The following SLC38A9 variants were observed in gnomAD, a reference collection of about 807,000 sequenced individuals.
SLC38A9 encodes neutral amino acid transporter 9.
A neutral mutation model predicts 62.3 loss-of-function variants in SLC38A9; 48 were observed. The ratio of observed to expected loss-of-function variants is 0.77; its 90% confidence interval spans 0.61 to 0.98. The LOEUF is 0.98. SLC38A9 is among the 50% of genes least tolerant of loss of function. SLC38A9 has a pLI of 0.00. For synonymous variants in SLC38A9, 204 were observed against 227.7 expected (o/e 0.90, Z 0.94); for missense variants, 541 against 679.8 (o/e 0.80, Z 2.27).
chr5:55,677,320 T>A (rs937227344), intron 3 of SLC38A9, among the ~76,000 whole-genome samples: 1 of 152,204 alleles, frequency 6.6e-6, no homozygotes, highest in African/African-American at 2.4e-5. Flanking sequence ...TAAACAGTTA[T>A]GATTCTAACG....
At chr5:55,668,621 A>T (rs914038815) in intron 7 of SLC38A9, among the ~76,000 whole-genome samples, 1 of 152,202 alleles carries the variant, frequency 6.6e-6, no homozygotes, top group Non-Finnish European at 1.5e-5. Context: ...GGCACAGAAA[A>T]AAACTGGAGG....
intron 9 of SLC38A9, among the ~76,000 whole-genome samples, chr5:55,656,128 A>C (rs1271489501): frequency 6.6e-6 from 1 of 151,710 alleles, no homozygotes; most frequent in Admixed American, 6.6e-5. Flanking sequence ...GCAAATATGG[A>C]TACTGTAGAT....
At chr5:55,649,874 C>A (rs150873346) in intron 10 of SLC38A9, among the ~76,000 whole-genome samples, 45 of 151,912 alleles carry the variant, frequency 3.0e-4, no homozygotes, top group African/African-American at 9.7e-4. Context: ...GTAGCTCATA[C>A]AATGCTGAAT....
intron 3 of SLC38A9, among the ~76,000 whole-genome samples, chr5:55,681,617 A>T (rs1753017043): frequency 1.3e-5 from 2 of 152,184 alleles, no homozygotes; most frequent in South Asian, 4.1e-4. Context: ...TGATCAGAAC[A>T]TTTTTTATTA....
At chr5:55,663,499 G>T (rs1749973205) in intron 8 of SLC38A9, among the ~76,000 whole-genome samples, 1 of 152,078 alleles carries the variant, frequency 6.6e-6, no homozygotes, top group South Asian at 2.1e-4. Context: ...ACTTTGGGAG[G>T]CCGAGGTGGG....
intron 8 of SLC38A9, among the ~76,000 whole-genome samples, chr5:55,663,074 T>C (rs1749879109): frequency 6.6e-6 from 1 of 151,922 alleles, no homozygotes. Context: ...TTTGTATTTT[T>C]AGTAGACACA....
At chr5:55,670,259 C>T (rs533020683) in intron 4 of SLC38A9, among the ~76,000 whole-genome samples, 30 of 152,294 alleles carry the variant, frequency 2.0e-4, no homozygotes, top group African/African-American at 5.8e-4. Context: ...TAAGCCACCA[C>T]GCCTGGCCCT....
chr5:55,650,052 G>T (rs559699468), intron 10 of SLC38A9, among the ~76,000 whole-genome samples: 3 of 152,184 alleles, frequency 2.0e-5, no homozygotes, highest in Admixed American at 6.6e-5. Context: ...TTTAATGTGA[G>T]ATGGTAAGAG....
chr5:55,703,146 G>A lies in SLC38A9; in HGVS notation c.-34-5154C>T, dbSNP rs75349614. ...TCAACAAGTCCCTACAATATACTGA[G>A]GTATTGAAAAACATAGAAAAAAAAT... is the stretch of plus-strand genomic sequence containing the variant. On this transcript the variant is annotated intron_variant, in intron 2 of 15. Coordinates refer to ENST00000396865, the MANE Select transcript of SLC38A9 (RefSeq NM_173514.4). 3.0e-3 allele frequency among the ~76,000 whole-genome samples: 453 copies of A among 151,752 alleles called. 1 individual carries two copies. Among genetic ancestry groups the A allele is most frequent in the Middle Eastern group, 6.8e-3 (2 of 292 alleles).
At chr5:55,666,259 G>A (rs1172197633) in intron 7 of SLC38A9, among the ~76,000 whole-genome samples, 2 of 152,064 alleles carry the variant, frequency 1.3e-5, no homozygotes, top group African/African-American at 4.8e-5. Flanking sequence ...AAAACCATTT[G>A]CTTTTCCATG....
intron 2 of SLC38A9, among the ~76,000 whole-genome samples, chr5:55,700,881 C>T (rs1756558819): frequency 6.6e-6 from 1 of 152,196 alleles, no homozygotes; most frequent in Non-Finnish European, 1.5e-5. Flanking sequence ...CCTTCTCTGT[C>T]TCCTTTGCTG....
chr5:55,669,798 A>G lies in SLC38A9; in HGVS notation c.328T>C (p.Tyr110His), dbSNP rs753068432. Residue 110 changes from tyrosine (Y) to histidine (H), a missense_variant, in exon 5 of 16, where the codon TAC becomes CAC. Coordinates refer to ENST00000396865, the MANE Select transcript of SLC38A9 (RefSeq NM_173514.4). Reference sequence around the variant, plus strand: ...GTGTTTTTACCGTATCCTTCAGTGTAACTTTGAAGTTTATAAGCAGAGCCC... The same window carrying G: ...GTGTTTTTACCGTATCCTTCAGTGTGACTTTGAAGTTTATAAGCAGAGCCC... ...PLGSAYKLQS[Y>H]TEGYGKNTSL... The G allele has an allele frequency of 3.7e-6, 6 of 1,613,816 alleles. No homozygotes were observed. Among genetic ancestry groups the G allele is most frequent in the African/African-American group, 2.7e-5 (2 of 74,922 alleles).
chr5:55,654,914 T>C (rs62362003), intron 9 of SLC38A9, among the ~76,000 whole-genome samples: 90,395 of 151,928 alleles, frequency 0.59, 27,565 homozygotes, highest in South Asian at 0.7. Flanking sequence ...TATGGCTCAC[T>C]GTAGCCTCAA....
At chr5:55,653,890 C>T (rs981985729) in intron 9 of SLC38A9, among the ~76,000 whole-genome samples, 2 of 152,128 alleles carry the variant, frequency 1.3e-5, no homozygotes, top group African/African-American at 4.8e-5. Flanking sequence ...AACTCTTGAC[C>T]TCGTGATCTG....
chr5:55,684,279 T>C (rs1370858314), intron 3 of SLC38A9, among the ~76,000 whole-genome samples: 1 of 152,218 alleles, frequency 6.6e-6, no homozygotes, highest in Non-Finnish European at 1.5e-5. Flanking sequence ...CATCTTGTCC[T>C]GGCTTCTCTT....
At chr5:55,699,878 A>T (rs751689729) in intron 2 of SLC38A9, among the ~76,000 whole-genome samples, 2 of 152,216 alleles carry the variant, frequency 1.3e-5, no homozygotes, top group Non-Finnish European at 2.9e-5. Flanking sequence ...GGTGTTTAAG[A>T]AACATGAAGG....
intron 7 of SLC38A9, 154 bp downstream of exon 7, chr5:55,669,074 A>C: frequency 2.1e-6 from 1 of 477,136 alleles, no homozygotes; most frequent in Non-Finnish European, 3.7e-6. Context: ...TTATTAGCAA[A>C]TCAATTTAGC....
In SLC38A9 at chr5:55,633,921, T is replaced by C; in HGVS notation, c.1282-19A>G. On this transcript the variant is annotated intron_variant, in intron 13 of 15. Transcript: ENST00000396865. ...AAAAATTCTAATCCAAGAAAGATAA[T>C]GAGGTCATGTTAAAAATCAAATTCA... 6.4e-7 allele frequency: 1 copy of C among 1,572,472 alleles called. No homozygotes were observed. Among genetic ancestry groups the C allele is most frequent in the Non-Finnish European group, 8.7e-7 (1 of 1,151,920 alleles).
chr5:55,669,875 G>T lies in SLC38A9; in HGVS notation c.251C>A (p.Ala84Asp). The T allele has an allele frequency of 6.3e-7, 1 of 1,585,618 alleles. No individual in the cohort carries two copies. The highest frequency in any genetic ancestry group is 1.2e-5 in the South Asian group (1 of 86,104). The change falls in exon 5 of 16, where the codon GCC (alanine) becomes GAC (aspartate). Residue 84 changes from alanine to aspartate, a missense_variant. Physicochemically the swap from Ala to Asp is moderately radical, Grantham distance 126. Coordinates refer to ENST00000396865, the MANE Select transcript of SLC38A9 (RefSeq NM_173514.4). Reference sequence around the variant, plus strand: ...TGGAGCTGGAACTACATGGTCTGGGGCAATCTGGTAAAAAGGAAACATAGA... The same window carrying T: ...TGGAGCTGGAACTACATGGTCTGGGTCAATCTGGTAAAAAGGAAACATAGA... ...LTTPADKALI[A>D]PDHVVPAPEE...
Sources: allele counts gnomAD v4.1 joint callset (sites outside exome capture counted in the v4.1 genomes callset), GRCh38; gene constraint gnomAD v4.1.1; transcripts MANE v1.5; gene names NCBI Gene and HGNC (gene_info 2026-07-23, HGNC 2026-07-21).